Variants in PLCXD3 observed in about 807,000 individuals in gnomAD.
The protein encoded by PLCXD3 is PI-PLC X domain-containing protein 3.
Under a neutral mutation model 25.5 loss-of-function variants are expected in PLCXD3, and 19 were observed. That is an observed-to-expected ratio of 0.75 (90% CI 0.52 to 1.09). The LOEUF is 1.09. PLCXD3 is among the 50% of genes least tolerant of loss of function. The pLI is 0.00. For missense variants in PLCXD3, 411 were observed against 388.1 expected (o/e 1.06, Z -0.50); for synonymous variants, 174 against 137.6 (o/e 1.26, Z -1.85).
intron 1 of PLCXD3, among the ~76,000 whole-genome samples, chr5:41,450,164 G>A (rs1156431325): frequency 6.6e-6 from 1 of 152,092 alleles, no homozygotes; most frequent in Non-Finnish European, 1.5e-5. Context: ...ATCATGAGGA[G>A]CCTGGTGAAA....
At chr5:41,434,973 A>G (rs1197057696) in intron 1 of PLCXD3, among the ~76,000 whole-genome samples, 1 of 152,222 alleles carries the variant, frequency 6.6e-6, no homozygotes, top group Non-Finnish European at 1.5e-5. Context: ...CACGCTCATA[A>G]AAATTTTCAG....
At chr5:41,380,620 G>A (rs978053668) in intron 2 of PLCXD3, among the ~76,000 whole-genome samples, 2 of 152,058 alleles carry the variant, frequency 1.3e-5, no homozygotes, top group African/African-American at 4.8e-5. Flanking sequence ...CATCCTATAT[G>A]CTATGCCACA....
rs149633613 is a variant in PLCXD3 at position 41,454,355 on chromosome 5, A to C, written c.103+56069T>G. Among the ~76,000 whole-genome samples, 153 of 152,072 alleles carry C rather than the reference A, an allele frequency of 1.0e-3. 1 individual carries two copies. Among genetic ancestry groups the C allele is most frequent in the African/African-American group, 3.5e-3 (147 of 41,528 alleles). ...AGTTCTTGAGGCTGGGTTGCCTAAGATCTAAGTGCTGGCAGATTTGGTATT... is the reference window on the plus strand; with the variant it reads ...AGTTCTTGAGGCTGGGTTGCCTAAGCTCTAAGTGCTGGCAGATTTGGTATT... On this transcript the variant is annotated intron_variant, in intron 1 of 2. Transcript: ENST00000377801.
At chr5:41,321,435 C>CA (rs138588639) in intron 2 of PLCXD3, among the ~76,000 whole-genome samples, 14,770 of 151,776 alleles carry the variant, frequency 0.097, 1,037 homozygotes, top group East Asian at 0.35. Flanking sequence ...AAGAAGACAC[C>CA]AAAAAAATGC....
rs58098437 is a variant in PLCXD3, at chr5:41,465,353, C to CTTTTTTTTTTTTTT, written c.103+45057_103+45070dup. 2.3e-3 allele frequency among the ~76,000 whole-genome samples: 30 copies of CTTTTTTTTTTTTTT among 13,232 alleles called. 7 individuals are homozygous for CTTTTTTTTTTTTTT. The highest frequency in any genetic ancestry group is 0.011 in the East Asian group (4 of 372). The allele number at this position is 13,232 out of a possible 152,430, so 8.7% of individuals were successfully genotyped here. On this transcript the variant is annotated intron_variant, in intron 1 of 2. Coordinates refer to ENST00000377801, the MANE Select transcript of PLCXD3 (RefSeq NM_001005473.3). ...TCCTACTTTCCCCACTAGTTCTTGT[C>CTTTTTTTTTTTTTT]TTTTTTTTTTTTTTTTTTTTTTTTT... is the stretch of plus-strand genomic sequence containing the variant.
intron 1 of PLCXD3, among the ~76,000 whole-genome samples, chr5:41,393,254 C>T (rs965883582): frequency 6.6e-6 from 1 of 152,068 alleles, no homozygotes; most frequent in South Asian, 2.1e-4. Context: ...AAGAGGACTA[C>T]CTCAAGGCAT....
chr5:41,443,326 G>A (rs758383880), intron 1 of PLCXD3, among the ~76,000 whole-genome samples: 20 of 151,908 alleles, frequency 1.3e-4, no homozygotes, highest in Non-Finnish European at 2.8e-4. Flanking sequence ...TAGGGTCGGT[G>A]CAATGTATGC....
intron 1 of PLCXD3, among the ~76,000 whole-genome samples, chr5:41,462,845 A>G (rs1011142070): frequency 6.6e-6 from 1 of 151,964 alleles, no homozygotes; most frequent in African/African-American, 2.4e-5. Context: ...TGATGCTGAG[A>G]TGAGAATTAA....
At chr5:41,488,163 G>C (rs1052482621) in intron 1 of PLCXD3, among the ~76,000 whole-genome samples, 4 of 150,390 alleles carry the variant, frequency 2.7e-5, no homozygotes, top group Non-Finnish European at 5.9e-5. Context: ...CTATGAGTGA[G>C]AATATGCGGT....
intron 2 of PLCXD3, among the ~76,000 whole-genome samples, chr5:41,358,243 T>C (rs1744674480): frequency 6.6e-6 from 1 of 152,214 alleles, no homozygotes; most frequent in African/African-American, 2.4e-5. Flanking sequence ...CAATGGCAAG[T>C]GGTAGTCAGG....
At chr5:41,395,182 C>A (rs78501898) in intron 1 of PLCXD3, among the ~76,000 whole-genome samples, 16,501 of 152,040 alleles carry the variant, frequency 0.11, 1,068 homozygotes, top group Admixed American at 0.17. Flanking sequence ...ATTTGGGAAA[C>A]TATACAAATA....
At chr5:41,316,538 A>G (rs1002198874) in intron 2 of PLCXD3, among the ~76,000 whole-genome samples, 5 of 152,160 alleles carry the variant, frequency 3.3e-5, no homozygotes, top group Admixed American at 2.6e-4. Context: ...TGGTTGCTAG[A>G]GCACCAAGCA....
In PLCXD3 at chr5:41,313,471, A is replaced by C. The variant is rs959144116; in HGVS notation, c.*146T>G. The C allele has an allele frequency of 3.7e-6, 3 of 816,298 alleles. No individual in the cohort carries two copies. The African/African-American group carries it at 5.4e-5, about 15-fold the overall frequency. 50.6% of individuals were successfully genotyped at this position (816,298 alleles called of 1,614,324 possible). On this transcript the variant is annotated 3_prime_UTR_variant, in exon 3 of 3. Coordinates refer to ENST00000377801, the MANE Select transcript of PLCXD3 (RefSeq NM_001005473.3). ...AGAGTATGATTGTAATCACTGAAGA[A>C]ACAGTTTTTCCCCTTTTCCCACCCA...
chr5:41,485,095 A>G (rs1250175127), intron 1 of PLCXD3, among the ~76,000 whole-genome samples: 2 of 152,184 alleles, frequency 1.3e-5, no homozygotes, highest in Non-Finnish European at 2.9e-5. Flanking sequence ...GGTGTTAAGC[A>G]TTGTCCTAAA....
intron 2 of PLCXD3, among the ~76,000 whole-genome samples, chr5:41,337,691 CT>C (rs1467043734): frequency 6.6e-6 from 1 of 152,062 alleles, no homozygotes; most frequent in African/African-American, 2.4e-5. Context: ...GAGGTGATTT[CT>C]TTGTTTTTTT....
Position 41,382,412 on chromosome 5 carries a change from A to G in PLCXD3, c.226T>C (p.Trp76Arg). 6.2e-7 allele frequency: 1 copy of G among 1,613,462 alleles called. No individual in the cohort carries two copies. The highest frequency in any genetic ancestry group is 8.5e-7 in the Non-Finnish European group (1 of 1,179,696). The change falls in exon 2 of 3, where the codon TGG (tryptophan) becomes CGG (arginine). Residue 76 changes from tryptophan (W) to arginine (R), a missense_variant. Transcript: ENST00000377801. ...GTVAKKLMRK[W>R]LATQTMNFTG... ...AAATTCATTGTCTGAGTGGCTAACC[A>G]TTTCCGCATGAGCTTTTTGGCCACA...
At chr5:41,434,460 A>G (rs1241609960) in intron 1 of PLCXD3, among the ~76,000 whole-genome samples, 3 of 152,184 alleles carry the variant, frequency 2.0e-5, no homozygotes, top group Non-Finnish European at 4.4e-5. Context: ...AGGGAGGTTC[A>G]TGGAGCTCCA....
chr5:41,406,694 A>G (rs1370076901), intron 1 of PLCXD3, among the ~76,000 whole-genome samples: 2 of 152,118 alleles, frequency 1.3e-5, no homozygotes, highest in African/African-American at 4.8e-5. Context: ...GGCCACTGAA[A>G]TAGCTTTCAG....
intron 1 of PLCXD3, among the ~76,000 whole-genome samples, chr5:41,476,357 C>T (rs997628214): frequency 6.6e-6 from 1 of 152,166 alleles, no homozygotes; most frequent in Non-Finnish European, 1.5e-5. Flanking sequence ...AATAAGAATG[C>T]CTCAATGTGC....
Sources: gnomAD v4.1 joint callset for allele counts (sites outside exome capture counted in the v4.1 genomes callset) on GRCh38, gnomAD v4.1.1 for gene constraint, MANE v1.5 for transcripts, NCBI Gene and HGNC (gene_info 2026-07-23, HGNC 2026-07-21) for gene names.